Variants in ST7 observed in about 807,000 individuals in gnomAD.
The protein encoded by ST7 is suppressor of tumorigenicity 7 protein.
Under a neutral mutation model 78.7 loss-of-function variants are expected in ST7, and 28 were observed. The ratio of observed to expected loss-of-function variants is 0.36; its 90% CI spans 0.26 to 0.49. ST7 has a LOEUF of 0.49. ST7 is among the 20% of genes least tolerant of loss of function. The probability of loss-of-function intolerance (pLI) is 0.99; values close to 1 mark genes in which losing one functional copy is unlikely to be tolerated. For synonymous variants in ST7, 247 were observed against 249.6 expected (o/e 0.99, Z 0.10); for missense variants, 418 against 696.0 (o/e 0.60, Z 4.49).
In ST7 at chr7:117,136,062, C is replaced by G; in HGVS notation, c.711-19C>G. On this transcript the variant is annotated intron_variant, in intron 7 of 15. Transcript: ENST00000323984. The stretch of plus-strand genomic sequence containing the variant: ...TCCTTGGCTTTGTAATTGATGGTGG[C>G]TATTATCTGAATGAACAGGTGTGCA... The G allele has an allele frequency of 4.3e-6, 7 of 1,611,380 alleles. No homozygotes were observed. Among genetic ancestry groups the G allele is most frequent in the Non-Finnish European group, 5.9e-6 (7 of 1,178,412 alleles).
At chr7:117,075,575 C>T (rs1018112027) in intron 1 of ST7, among the ~76,000 whole-genome samples, 52 of 152,310 alleles carry the variant, frequency 3.4e-4, no homozygotes, top group African/African-American at 1.3e-3. Context: ...TGTTTGTTTG[C>T]TCTCCTCCAC....
intron 1 of ST7, among the ~76,000 whole-genome samples, chr7:116,986,826 A>G (rs1021504443): frequency 6.6e-6 from 1 of 152,236 alleles, no homozygotes; most frequent in Non-Finnish European, 1.5e-5. Context: ...TGGTTACTAA[A>G]GAAGTGAGTA....
chr7:117,102,237 C>T (rs1001394098), intron 2 of ST7, among the ~76,000 whole-genome samples: 4 of 152,196 alleles, frequency 2.6e-5, no homozygotes, highest in African/African-American at 9.7e-5. Flanking sequence ...ATAGCAGCAG[C>T]CCCACATTGG....
At chr7:117,136,486 G>A in intron 8 of ST7, 1 of 596,686 alleles carries the variant, frequency 1.7e-6, no homozygotes, top group Non-Finnish European at 2.9e-6. Flanking sequence ...ATAAATGGCA[G>A]TAACCTTTAA....
At chr7:117,173,623 C>T (rs1217427090) in intron 10 of ST7, 1 of 152,166 alleles carries the variant, frequency 6.6e-6, no homozygotes, top group Non-Finnish European at 1.5e-5. Flanking sequence ...CTGATCTTCA[C>T]CCTGGTTCAG....
chr7:117,011,116 T>C (rs1430893872), intron 1 of ST7, among the ~76,000 whole-genome samples: 2 of 152,140 alleles, frequency 1.3e-5, no homozygotes, highest in African/African-American at 4.8e-5. Flanking sequence ...AGGCAGATCC[T>C]CCAACAGTTT....
chr7:117,133,327 C>T (rs747656955), intron 6 of ST7, among the ~76,000 whole-genome samples: 16 of 151,824 alleles, frequency 1.1e-4, no homozygotes, highest in African/African-American at 3.1e-4. Flanking sequence ...CAAGGTCTTT[C>T]GGTTTCCTGG....
At chr7:117,134,001 T>G in intron 6 of ST7, 123 bp from the exon 7 acceptor site, 1 of 1,296,948 alleles carries the variant, frequency 7.7e-7, no homozygotes, top group Non-Finnish European at 1.0e-6. Context: ...CCTCTTTTCT[T>G]TGAATTTTTT....
intron 1 of ST7, among the ~76,000 whole-genome samples, chr7:117,088,502 A>G (rs1387295688): frequency 6.6e-6 from 1 of 152,290 alleles, no homozygotes; most frequent in East Asian, 1.9e-4. Context: ...ATTTCCATGC[A>G]TTTTAGATTT....
intron 1 of ST7, among the ~76,000 whole-genome samples, chr7:117,037,158 T>C (rs2116247147): frequency 1.3e-5 from 2 of 152,304 alleles, no homozygotes; most frequent in African/African-American, 4.8e-5. Context: ...TAAACATTGG[T>C]ATTTTATACT....
chr7:117,157,240 G>A (rs1411129023), intron 9 of ST7, among the ~76,000 whole-genome samples: 1 of 152,178 alleles, frequency 6.6e-6, no homozygotes, highest in Non-Finnish European at 1.5e-5. Flanking sequence ...TTTGGGCAAC[G>A]AGGAGAAGCC....
At chr7:117,105,083 A>G (rs1801849575) in intron 2 of ST7, among the ~76,000 whole-genome samples, 1 of 152,214 alleles carries the variant, frequency 6.6e-6, no homozygotes. Flanking sequence ...AACAGAGGTT[A>G]ATTTGTAAAT....
chr7:116,957,241 G>C (rs1792553528), intron 1 of ST7: 1 of 152,232 alleles, frequency 6.6e-6, no homozygotes. Flanking sequence ...TATTCTCTTA[G>C]ACCATACAGA....
chr7:117,138,482 T>C lies in ST7; in HGVS notation c.913T>C (p.Cys305Arg). ...GTACATCAAAAGAAGGCTAGCAATG[T>C]GTGCCAGAAGACTCGGGAGGACCAG... ...LVYIKRRLAMCARRLGRTREA... is the reference protein window; with the variant it reads ...LVYIKRRLAMRARRLGRTREA... Residue 305 changes from cysteine to arginine, a missense_variant, in exon 9 of 16, where the codon TGT (cysteine) becomes CGT (arginine). Coordinates refer to ENST00000323984, the MANE Select transcript of ST7 (RefSeq NM_001369598.1). 6.2e-7 allele frequency: 1 copy of C among 1,610,380 alleles called. No homozygotes were observed. The highest frequency in any genetic ancestry group is 8.5e-7 in the Non-Finnish European group (1 of 1,178,128).
chr7:116,984,015 A>G (rs1794084193), intron 1 of ST7, among the ~76,000 whole-genome samples: 1 of 152,078 alleles, frequency 6.6e-6, no homozygotes, highest in Non-Finnish European at 1.5e-5. Context: ...TGAAGATGTA[A>G]GGCCTTGAAG....
chr7:117,145,156 G>C (rs538389613), intron 9 of ST7, among the ~76,000 whole-genome samples: 4 of 152,220 alleles, frequency 2.6e-5, no homozygotes, highest in African/African-American at 7.2e-5. Flanking sequence ...AGTGAGCCAT[G>C]ATTGTGCTAC....
intron 2 of ST7, among the ~76,000 whole-genome samples, chr7:117,105,324 C>T (rs903968833): frequency 6.6e-6 from 1 of 152,180 alleles, no homozygotes; most frequent in African/African-American, 2.4e-5. Flanking sequence ...GAAGGTCACG[C>T]AGGCTGCAGT....
rs114143106 is a variant in ST7, at chr7:117,217,304, A to C, written c.1406-1780A>C. On this transcript the variant is annotated intron_variant, in intron 13 of 15. Transcript: ENST00000323984. The stretch of plus-strand genomic sequence containing the variant: ...TGGATTTGGGAAAAAAAAAAACAAA[A>C]AAAAAAACTTCCCACGTAGGTTTTT... 7.6e-3 allele frequency among the ~76,000 whole-genome samples: 1,162 copies of C among 152,100 alleles called. 22 individuals are homozygous for C. Among genetic ancestry groups the C allele is most frequent in the African/African-American group, 0.026 (1,091 of 41,488 alleles).
chr7:117,183,939 C>T (rs531889502), intron 10 of ST7, among the ~76,000 whole-genome samples: 4 of 152,286 alleles, frequency 2.6e-5, no homozygotes, highest in South Asian at 4.1e-4. Flanking sequence ...ATGACTGACA[C>T]GTGCTACAAC....
Sources: allele counts gnomAD v4.1 joint callset (sites outside exome capture counted in the v4.1 genomes callset), GRCh38; gene constraint gnomAD v4.1.1; transcripts MANE v1.5; gene names NCBI Gene and HGNC (gene_info 2026-07-23, HGNC 2026-07-21).